Variants in CHL1 observed in about 807,000 individuals in gnomAD.
CHL1 encodes neural cell adhesion molecule L1-like protein.
In CHL1, 96 loss-of-function variants were observed where a neutral mutation model predicts 141.9. That is an observed-to-expected ratio of 0.68 (90% CI 0.57 to 0.80). CHL1 has a LOEUF of 0.80. Among genes scored for constraint, CHL1 ranks in the 30% least tolerant of loss-of-function variants. The pLI, the probability that CHL1 is intolerant of heterozygous loss-of-function variation, is 0.00. For missense variants in CHL1, 1,820 were observed against 1,457.2 expected (o/e 1.25, Z -4.05); for synonymous variants, 613 against 502.2 (o/e 1.22, Z -2.95).
At chr3:400,113 G>C (rs371417323) in intron 26 of CHL1, among the ~76,000 whole-genome samples, 24 of 152,254 alleles carry the variant, frequency 1.6e-4, no homozygotes, top group African/African-American at 5.1e-4. Flanking sequence ...CTTTTATAAA[G>C]GGACAAAGAT....
rs759680272 is a variant in CHL1, at chr3:349,395, T to C, written c.885T>C (p.Gly295=). 1 of 1,613,862 alleles carries C rather than the reference T, an allele frequency of 6.2e-7. No individual in the cohort carries two copies. The highest frequency in any genetic ancestry group is 8.5e-7 in the Non-Finnish European group (1 of 1,179,820). Residue 295 remains glycine (G), a synonymous_variant, in exon 10 of 28, where the codon GGT becomes GGC. Coordinates refer to ENST00000256509, the MANE Select transcript of CHL1 (RefSeq NM_006614.4). The part of the protein sequence containing the change: ...TPQVDWNKIG[G]DLPKGRETKE... ...AGGTTGATTGGAACAAAATTGGTGG[T>C]GACTTACCAAAGGGGAGAGAAACAA...
chr3:207,232 C>G (rs1699521112), intron 1 of CHL1, among the ~76,000 whole-genome samples: 1 of 152,092 alleles, frequency 6.6e-6, no homozygotes, highest in Admixed American at 6.5e-5. Context: ...CTGAGTGGCT[C>G]CAAAAGGCTC....
chr3:230,046 C>G (rs1000740243), intron 1 of CHL1, among the ~76,000 whole-genome samples: 1 of 152,156 alleles, frequency 6.6e-6, no homozygotes, highest in South Asian at 2.1e-4. Flanking sequence ...AGGTTCTGTA[C>G]AAAGTGGGTA....
At chr3:375,421 AGCT>A (rs1380485404) in intron 15 of CHL1, among the ~76,000 whole-genome samples, 3 of 151,848 alleles carry the variant, frequency 2.0e-5, no homozygotes, top group Admixed American at 6.6e-5. Flanking sequence ...ACCAAATAGG[AGCT>A]GCTTTTTTCC....
chr3:361,913 C>T (rs1439113706), intron 13 of CHL1, 103 bp downstream of exon 13: 2 of 802,408 alleles, frequency 2.5e-6, no homozygotes, highest in Admixed American at 4.0e-5. Flanking sequence ...TATATTGTTA[C>T]ATGTACCCAG....
At chr3:348,891 A>G (rs1042081177) in intron 9 of CHL1, among the ~76,000 whole-genome samples, 3 of 152,210 alleles carry the variant, frequency 2.0e-5, no homozygotes, top group Non-Finnish European at 4.4e-5. Context: ...GCATCATAGG[A>G]TTAAAAGGGA....
chr3:406,563 G>A lies in CHL1; in HGVS notation c.*852G>A, dbSNP rs1709545418. The stretch of plus-strand genomic sequence containing the variant: ...TTGACTGCTTTTACCTTTTTCTCAT[G>A]TTTATATAATGGTATGCTTGCATAT... On this transcript the variant is annotated 3_prime_UTR_variant, in exon 28 of 28. Transcript: ENST00000256509. 6.6e-6 allele frequency: 1 copy of A among 151,824 alleles called. No homozygotes were observed. Among genetic ancestry groups the A allele is most frequent in the Non-Finnish European group, 1.5e-5 (1 of 67,948 alleles). 9.4% of individuals were successfully genotyped at this position (151,824 alleles called of 1,614,324 possible). A position where few individuals can be genotyped will look rare whatever the true frequency, so the allele number is the denominator to read the frequency against.
chr3:227,055 G>C (rs1701417716), intron 1 of CHL1, among the ~76,000 whole-genome samples: 1 of 152,134 alleles, frequency 6.6e-6, no homozygotes, highest in Non-Finnish European at 1.5e-5. Flanking sequence ...GTTTATGCTT[G>C]ATAAAAAAGT....
chr3:257,482 T>C (rs9859657), intron 2 of CHL1, among the ~76,000 whole-genome samples: 10,726 of 151,824 alleles, frequency 0.071, 821 homozygotes, highest in African/African-American at 0.2. Flanking sequence ...GCCTCCCAAG[T>C]AGCTGGGATT....
At chr3:216,939 A>G (rs1476768709) in intron 1 of CHL1, among the ~76,000 whole-genome samples, 3 of 152,218 alleles carry the variant, frequency 2.0e-5, no homozygotes, top group African/African-American at 7.2e-5. Flanking sequence ...AGGCAGCATA[A>G]GATATTAAAT....
At chr3:201,892 T>C (rs1698979772) in intron 1 of CHL1, among the ~76,000 whole-genome samples, 1 of 152,230 alleles carries the variant, frequency 6.6e-6, no homozygotes, top group African/African-American at 2.4e-5. Context: ...GCCATTTTCC[T>C]ATACAACCTA....
Position 349,450 on chromosome 3 carries a change from G to A in CHL1, c.940G>A (p.Glu314Lys). The change falls in exon 10 of 28, where the codon GAG becomes AAG. Residue 314 changes from glutamate (E) to lysine (K), a missense_variant. By Grantham distance (56) the Glu-to-Lys change is moderately conservative. Transcript: ENST00000256509. ...KENYGKTLKI[E>K]NVSYQDKGNY... Reference sequence around the variant, plus strand: ...AAATTATGGCAAGACTTTGAAGATAGAGAATGTCTCCTACCAGGACAAAGG... The same window carrying A: ...AAATTATGGCAAGACTTTGAAGATAAAGAATGTCTCCTACCAGGACAAAGG... 3 of 1,613,902 alleles carry A rather than the reference G, an allele frequency of 1.9e-6. No homozygotes were observed. Among genetic ancestry groups the A allele is most frequent in the Non-Finnish European group, 1.7e-6 (2 of 1,179,808 alleles).
At chr3:256,463 A>G (rs994304019) in intron 2 of CHL1, among the ~76,000 whole-genome samples, 2 of 152,212 alleles carry the variant, frequency 1.3e-5, no homozygotes, top group African/African-American at 4.8e-5. Flanking sequence ...GCCTTAGAGT[A>G]GTGGTTTTCA....
chr3:203,266 A>G (rs6769747), intron 1 of CHL1, among the ~76,000 whole-genome samples: 14,797 of 152,270 alleles, frequency 0.097, 839 homozygotes, highest in African/African-American at 0.15. Context: ...GTTTAAGACA[A>G]ATTTCAGCCA....
At chr3:343,707 T>C (rs976025352) in intron 8 of CHL1, among the ~76,000 whole-genome samples, 14 of 152,184 alleles carry the variant, frequency 9.2e-5, no homozygotes, top group African/African-American at 3.1e-4. Context: ...ATACCTTGCA[T>C]ACTTGCAAGT....
At chr3:201,411 T>A (rs149337106) in intron 1 of CHL1, among the ~76,000 whole-genome samples, 171 of 152,326 alleles carry the variant, frequency 1.1e-3, no homozygotes, top group African/African-American at 3.8e-3. Flanking sequence ...TTTCCTGAAA[T>A]GTTGACTTCA....
intron 2 of CHL1, among the ~76,000 whole-genome samples, chr3:315,864 C>G (rs1024112186): frequency 5.3e-5 from 8 of 151,666 alleles, no homozygotes; most frequent in African/African-American, 1.9e-4. Context: ...GTTTAATAGG[C>G]AAAAGAAAGA....
intron 2 of CHL1, among the ~76,000 whole-genome samples, chr3:305,160 T>C (rs1699115927): frequency 6.6e-6 from 1 of 152,158 alleles, no homozygotes; most frequent in South Asian, 2.1e-4. Flanking sequence ...TTTCTTTCAT[T>C]CAAAGGAAAA....
At chr3:312,835 A>G (rs1000137354) in intron 2 of CHL1, among the ~76,000 whole-genome samples, 1 of 152,224 alleles carries the variant, frequency 6.6e-6, no homozygotes, top group Admixed American at 6.5e-5. Flanking sequence ...GTCTCAGACT[A>G]TTATACAAAT....
Sources: allele counts gnomAD v4.1 joint callset (sites outside exome capture counted in the v4.1 genomes callset), GRCh38; gene constraint gnomAD v4.1.1; transcripts MANE v1.5; gene names NCBI Gene and HGNC (gene_info 2026-07-23, HGNC 2026-07-21).